BABAM2: variants seen among roughly 807,000 people sequenced by gnomAD.
BABAM2 encodes BRISC and BRCA1-A complex member 2.
In BABAM2, 31 loss-of-function variants were observed where a neutral mutation model predicts 54.7. The observed-to-expected ratio is 0.57, with a 90% CI of 0.43 to 0.77. The LOEUF (loss-of-function observed/expected upper bound fraction) is 0.77. Among genes scored for constraint, BABAM2 ranks in the 30% least tolerant of loss-of-function variants. BABAM2 has a pLI of 0.00. For synonymous variants in BABAM2, 167 were observed against 162.9 expected (o/e 1.03, Z -0.19); for missense variants, 364 against 455.8 (o/e 0.80, Z 1.83).
intron 7 of BABAM2, among the ~76,000 whole-genome samples, chr2:28,222,080 C>T (rs1680470473): frequency 6.6e-6 from 1 of 152,132 alleles, no homozygotes; most frequent in Non-Finnish European, 1.5e-5. Flanking sequence ...ATCGAATGGC[C>T]GGAAGCTCTG....
At chr2:28,166,786 CTT>C in intron 7 of BABAM2, among the ~76,000 whole-genome samples, 1 of 152,282 alleles carries the variant, frequency 6.6e-6, no homozygotes, top group African/African-American at 2.4e-5. Flanking sequence ...TTCTCTATCT[CTT>C]TTTGATTTCT....
intron 7 of BABAM2, among the ~76,000 whole-genome samples, chr2:28,165,529 C>CTTTTTTTTTTTTTTTTTTTT (rs1192641957): frequency 5.5e-5 from 4 of 72,254 alleles, no homozygotes; most frequent in Non-Finnish European, 7.2e-5. Context: ...TTTTTCCTTG[C>CTTTTTTTTTTTTTTTTTTTT]TTTTTTTTTT....
chr2:28,305,270 A>G (rs1688428975), intron 11 of BABAM2, among the ~76,000 whole-genome samples: 1 of 151,952 alleles, frequency 6.6e-6, no homozygotes, highest in East Asian at 1.9e-4. Flanking sequence ...AATTCCATAG[A>G]TTGCTTTTTC....
chr2:28,291,486 C>T (rs1366806465), intron 10 of BABAM2, among the ~76,000 whole-genome samples: 10 of 151,594 alleles, frequency 6.6e-5, no homozygotes, highest in African/African-American at 2.2e-4. Context: ...CCTAGCTACT[C>T]GGGAGGCTGA....
chr2:27,936,500 T>C (rs1306479796), intron 3 of BABAM2, among the ~76,000 whole-genome samples: 1 of 152,172 alleles, frequency 6.6e-6, no homozygotes, highest in African/African-American at 2.4e-5. Flanking sequence ...CATGCACACG[T>C]ATGTTTATTG....
At chr2:28,334,113 G>T (rs1691201609) in intron 11 of BABAM2, among the ~76,000 whole-genome samples, 1 of 152,180 alleles carries the variant, frequency 6.6e-6, no homozygotes, top group African/African-American at 2.4e-5. Flanking sequence ...CCCTCGCCAC[G>T]CTTCCCCTTG....
At chr2:28,130,477 G>A (rs1242042381) in intron 7 of BABAM2, among the ~76,000 whole-genome samples, 1 of 152,118 alleles carries the variant, frequency 6.6e-6, no homozygotes. Flanking sequence ...TTTTGAGACA[G>A]CGTCTCACTC....
At chr2:28,253,767 T>G (rs561579907) in intron 10 of BABAM2, among the ~76,000 whole-genome samples, 1 of 152,282 alleles carries the variant, frequency 6.6e-6, no homozygotes, top group South Asian at 2.1e-4. Context: ...CAGAGAGATA[T>G]GGAGACTATC....
At chr2:28,287,982 G>T (rs1419902917) in intron 10 of BABAM2, among the ~76,000 whole-genome samples, 1 of 152,170 alleles carries the variant, frequency 6.6e-6, no homozygotes, top group Non-Finnish European at 1.5e-5. Context: ...GACAGGAGGG[G>T]TTCCTACTTT....
At chr2:28,053,687 T>C (rs780635745) in intron 6 of BABAM2, among the ~76,000 whole-genome samples, 1 of 152,082 alleles carries the variant, frequency 6.6e-6, no homozygotes, top group Admixed American at 6.5e-5. Context: ...ACCTCCCTTC[T>C]CTAGAGAGCA....
chr2:28,282,378 G>A (rs1359304410), intron 10 of BABAM2, among the ~76,000 whole-genome samples: 1 of 152,122 alleles, frequency 6.6e-6, no homozygotes, highest in Admixed American at 6.5e-5. Context: ...GTGCTTTCTT[G>A]ATCAACAGCC....
At chr2:28,311,230 C>G (rs1558521140) in intron 11 of BABAM2, among the ~76,000 whole-genome samples, 1 of 148,690 alleles carries the variant, frequency 6.7e-6, no homozygotes, top group Non-Finnish European at 1.5e-5. Context: ...CACTGCACTC[C>G]AGCCTAGGCG....
chr2:28,334,451 T>C (rs1691243464), intron 11 of BABAM2, among the ~76,000 whole-genome samples: 1 of 152,260 alleles, frequency 6.6e-6, no homozygotes, highest in Non-Finnish European at 1.5e-5. Context: ...GCAGCTCAGC[T>C]GCAGCCTCTC....
At chr2:28,328,314 T>C (rs570900777) in intron 11 of BABAM2, among the ~76,000 whole-genome samples, 6 of 152,320 alleles carry the variant, frequency 3.9e-5, no homozygotes, top group African/African-American at 1.4e-4. Flanking sequence ...GGTTTTCATA[T>C]GACTGATTAA....
chr2:28,046,801 G>A (rs1218791940), intron 6 of BABAM2, among the ~76,000 whole-genome samples: 3 of 149,090 alleles, frequency 2.0e-5, no homozygotes, highest in Admixed American at 1.3e-4. Flanking sequence ...TTTTTTTTTG[G>A]AAACATGGTC....
At chr2:28,334,427 G>A (rs1691240517) in intron 11 of BABAM2, among the ~76,000 whole-genome samples, 1 of 152,268 alleles carries the variant, frequency 6.6e-6, no homozygotes, top group Non-Finnish European at 1.5e-5. Flanking sequence ...TCAGGCACCT[G>A]TGGGGGCTAT....
intron 3 of BABAM2, among the ~76,000 whole-genome samples, chr2:27,955,991 T>TTC (rs1670052518): frequency 1.3e-5 from 2 of 151,712 alleles, no homozygotes; most frequent in South Asian, 4.2e-4. Flanking sequence ...GTTTTTTTTT[T>TTC]CCTGTAGAAT....
At chr2:28,198,904 C>T (rs976698417) in intron 7 of BABAM2, among the ~76,000 whole-genome samples, 3 of 151,954 alleles carry the variant, frequency 2.0e-5, no homozygotes, top group Non-Finnish European at 2.9e-5. Flanking sequence ...CTCCCCTGCC[C>T]CCACCTGTCC....
intron 10 of BABAM2, among the ~76,000 whole-genome samples, chr2:28,247,891 C>T (rs1012858596): frequency 1.3e-5 from 2 of 152,206 alleles, no homozygotes; most frequent in Non-Finnish European, 1.5e-5. Flanking sequence ...TCTGGGATCT[C>T]TCAGGAGGTA....
Sources: gnomAD v4.1 joint callset for allele counts (sites outside exome capture counted in the v4.1 genomes callset) on GRCh38, gnomAD v4.1.1 for gene constraint, MANE v1.5 for transcripts, NCBI Gene and HGNC (gene_info 2026-07-23, HGNC 2026-07-21) for gene names.